Variants in PLCL1 observed in about 807,000 individuals in gnomAD.
PLCL1 encodes phospholipase C like 1 (inactive).
In PLCL1, 41 loss-of-function variants were observed where a neutral mutation model predicts 84.4. The ratio of observed to expected loss-of-function variants is 0.49; its 90% CI spans 0.38 to 0.63. The LOEUF is 0.63. PLCL1 is among the 30% of genes least tolerant of loss of function. The pLI, the probability that PLCL1 is intolerant of heterozygous loss-of-function variation, is 0.00. For synonymous variants in PLCL1, 490 were observed against 488.3 expected (o/e 1.00, Z -0.05); for missense variants, 1,206 against 1,367.8 (o/e 0.88, Z 1.87).
chr2:197,972,958 C>A (rs1170379562), intron 1 of PLCL1, among the ~76,000 whole-genome samples: 1 of 152,144 alleles, frequency 6.6e-6, no homozygotes, highest in Non-Finnish European at 1.5e-5. Flanking sequence ...CAGGAAGAAT[C>A]CAACTGACAC....
chr2:197,871,509 C>T (rs1429382745), intron 1 of PLCL1, among the ~76,000 whole-genome samples: 1 of 152,088 alleles, frequency 6.6e-6, no homozygotes, highest in Non-Finnish European at 1.5e-5. Context: ...CAAATTACCA[C>T]ACCCTTGTTG....
chr2:198,118,808 T>G (rs1693803889), intron 5 of PLCL1, among the ~76,000 whole-genome samples: 1 of 152,004 alleles, frequency 6.6e-6, no homozygotes, highest in Admixed American at 6.6e-5. Context: ...TACCATGAAG[T>G]TGTCAGTCTA....
intron 1 of PLCL1, among the ~76,000 whole-genome samples, chr2:197,909,223 C>A (rs992298055): frequency 6.6e-6 from 1 of 152,210 alleles, no homozygotes; most frequent in East Asian, 1.9e-4. Context: ...AGGTACTTGG[C>A]AGAGCCAGGA....
rs540224056 is a variant in PLCL1 at position 198,127,473 on chromosome 2, A to AT, written c.3106-19301dup. 1.8e-3 allele frequency among the ~76,000 whole-genome samples: 270 copies of AT among 152,194 alleles called. 2 individuals carry two copies. Among genetic ancestry groups the AT allele is most frequent in the African/African-American group, 6.0e-3 (248 of 41,522 alleles). The stretch of plus-strand genomic sequence containing the variant: ...TTATTGGACATAGTTTTACGTTACC[A>AT]TTTTTTCTCTCTTTCACCAAATTGT... On this transcript the variant is annotated intron_variant, in intron 5 of 5. Coordinates refer to ENST00000428675, the MANE Select transcript of PLCL1 (RefSeq NM_006226.4).
intron 5 of PLCL1, among the ~76,000 whole-genome samples, chr2:198,132,193 G>A (rs1694136270): frequency 6.6e-6 from 1 of 152,102 alleles, no homozygotes; most frequent in Non-Finnish European, 1.5e-5. Flanking sequence ...TGTCATTACT[G>A]CCTGGCATCA....
At chr2:198,145,439 A>C (rs528136733) in intron 5 of PLCL1, among the ~76,000 whole-genome samples, 34 of 152,214 alleles carry the variant, frequency 2.2e-4, no homozygotes, top group African/African-American at 8.2e-4. Flanking sequence ...CTTTAGTCCC[A>C]GCTCAGCGAT....
At chr2:198,117,359 T>C (rs1045282431) in intron 5 of PLCL1, among the ~76,000 whole-genome samples, 4 of 142,986 alleles carry the variant, frequency 2.8e-5, no homozygotes, top group Non-Finnish European at 4.6e-5. Context: ...TCAGATTCAA[T>C]TGGGCTTCAC....
intron 1 of PLCL1, among the ~76,000 whole-genome samples, chr2:197,979,728 A>AT (rs1389890945): frequency 1.3e-5 from 2 of 152,000 alleles, no homozygotes; most frequent in African/African-American, 4.8e-5. Context: ...CCACATTGAG[A>AT]TTTTCACTAC....
chr2:198,055,475 A>T (rs190924767), intron 1 of PLCL1, among the ~76,000 whole-genome samples: 1 of 150,810 alleles, frequency 6.6e-6, no homozygotes, highest in Non-Finnish European at 1.5e-5. Flanking sequence ...ATTCATGTGA[A>T]TCTTAAATAC....
At chr2:197,900,161 GT>G (rs1393449636) in intron 1 of PLCL1, among the ~76,000 whole-genome samples, 1 of 152,214 alleles carries the variant, frequency 6.6e-6, no homozygotes, top group Non-Finnish European at 1.5e-5. Context: ...AGTAATTTGT[GT>G]GTTTTGATCA....
At chr2:198,098,539 CTTTAAGCAAGCTAAG>C (rs1032937292) in intron 3 of PLCL1, among the ~76,000 whole-genome samples, 9 of 152,148 alleles carry the variant, frequency 5.9e-5, no homozygotes, top group African/African-American at 2.2e-4. Context: ...AGTTGTGTGG[CTTTAAGCAAGCTAAG>C]TTTTAGCTCA....
chr2:197,847,983 T>C (rs1473725924), intron 1 of PLCL1, among the ~76,000 whole-genome samples: 1 of 152,172 alleles, frequency 6.6e-6, no homozygotes, highest in Non-Finnish European at 1.5e-5. Context: ...TATCCTTTCC[T>C]CTAAAGAGAG....
chr2:198,125,692 T>A (rs1693968337), intron 5 of PLCL1, among the ~76,000 whole-genome samples: 1 of 152,172 alleles, frequency 6.6e-6, no homozygotes, highest in Admixed American at 6.5e-5. Flanking sequence ...ATATAATATG[T>A]CATGGTGGGA....
intron 5 of PLCL1, among the ~76,000 whole-genome samples, chr2:198,104,970 G>A (rs1693439271): frequency 6.6e-6 from 1 of 151,976 alleles, no homozygotes; most frequent in South Asian, 2.1e-4. Context: ...CATTCTGTAG[G>A]TTGTCTGTTT....
rs116036355 is a variant in PLCL1, at chr2:197,910,427, C to T, written c.240+105088C>T. Among the ~76,000 whole-genome samples, 396 of 152,334 alleles carry T rather than the reference C, an allele frequency of 2.6e-3. 1 individual carries two copies. The highest frequency in any genetic ancestry group is 9.0e-3 in the African/African-American group (373 of 41,578). The stretch of plus-strand genomic sequence containing the variant: ...TAGCTCACCTTCTCCAAGGGCTTTA[C>T]CCAAGCCCTCCTTTTACCCCACGAC... On this transcript the variant is annotated intron_variant, in intron 1 of 5. Coordinates refer to ENST00000428675, the MANE Select transcript of PLCL1 (RefSeq NM_006226.4).
At chr2:197,839,366 G>C (rs1332102195) in intron 1 of PLCL1, among the ~76,000 whole-genome samples, 1 of 152,192 alleles carries the variant, frequency 6.6e-6, no homozygotes, top group Non-Finnish European at 1.5e-5. Flanking sequence ...GGGAAGGGGG[G>C]ATTGTTTCAG....
At chr2:198,080,600 A>T (rs1692687574) in intron 1 of PLCL1, among the ~76,000 whole-genome samples, 2 of 152,238 alleles carry the variant, frequency 1.3e-5, no homozygotes, top group South Asian at 4.1e-4. Flanking sequence ...CTGAATCCAG[A>T]CATTGTCCTT....
intron 1 of PLCL1, among the ~76,000 whole-genome samples, chr2:197,966,229 C>A (rs1689730135): frequency 6.6e-6 from 1 of 151,826 alleles, no homozygotes; most frequent in Non-Finnish European, 1.5e-5. Context: ...AGCTGTGTTG[C>A]CTGTGGTTGT....
intron 1 of PLCL1, among the ~76,000 whole-genome samples, chr2:197,820,165 A>T (rs576186122): frequency 1.3e-5 from 2 of 152,192 alleles, no homozygotes; most frequent in South Asian, 4.1e-4. Flanking sequence ...AGGATCTAAG[A>T]AAAAGCAATG....
Sources: allele counts gnomAD v4.1 joint callset (sites outside exome capture counted in the v4.1 genomes callset), GRCh38; gene constraint gnomAD v4.1.1; transcripts MANE v1.5; gene names NCBI Gene and HGNC (gene_info 2026-07-23, HGNC 2026-07-21).